Variants in CALN1 observed in about 807,000 individuals in gnomAD.
CALN1 encodes the protein calcium-binding protein 8.
CALN1 carries 17 observed loss-of-function variants against 30.6 expected under a neutral mutation model. The observed-to-expected ratio is 0.56, with a 90% confidence interval of 0.38 to 0.83. The LOEUF (loss-of-function observed/expected upper bound fraction) is 0.83, where lower values mean the gene tolerates loss of function less well. CALN1 is among the 40% of genes least tolerant of loss of function. The pLI is 0.00. For missense variants in CALN1, 291 were observed against 354.9 expected, an observed-to-expected ratio of 0.82 and a Z score of 1.45; for synonymous variants, 156 against 131.4, an observed-to-expected ratio of 1.19 and a Z score of -1.28.
chr7:71,790,372 GAAAGAAAGAAAGAA>G, intron 6 of CALN1, among the ~76,000 whole-genome samples: 1 of 25,978 alleles, frequency 3.8e-5, no homozygotes, highest in East Asian at 1.4e-3. Flanking sequence ...AGAAAGAAAA[GAAAGAAAGAAAGAA>G]AGAAAGAAAG....
chr7:72,300,131 C>T (rs1159006254), intron 2 of CALN1, among the ~76,000 whole-genome samples: 1 of 152,108 alleles, frequency 6.6e-6, no homozygotes, highest in Non-Finnish European at 1.5e-5. Context: ...CCGCCCACCT[C>T]GTCCTCCCAA....
chr7:72,338,525 G>GTGTGTGTCTGTCTGTCTGTC lies in CALN1; in HGVS notation c.120-59716_120-59715insGACAGACAGACAGACACACA. 9.8e-5 allele frequency among the ~76,000 whole-genome samples: 12 copies of GTGTGTGTCTGTCTGTCTGTC among 122,294 alleles called. 1 individual carries two copies. Among genetic ancestry groups the GTGTGTGTCTGTCTGTCTGTC allele is most frequent in the African/African-American group, 3.1e-4 (10 of 32,000 alleles). 80.2% of individuals were successfully genotyped at this position (122,294 alleles called of 152,430 possible). On this transcript the variant is annotated intron_variant, in intron 2 of 6. Transcript: ENST00000395275. ...TGTGTGTGTGTGTGTGTGTGTGTGT[G>GTGTGTGTCTGTCTGTCTGTC]TGTCTCACCTGGGTGTGGTTTCAGA...
At chr7:71,924,172 G>A (rs559217673) in intron 5 of CALN1, among the ~76,000 whole-genome samples, 6 of 132,574 alleles carry the variant, frequency 4.5e-5, no homozygotes, top group Admixed American at 2.7e-4. Flanking sequence ...CAGCCTAGGC[G>A]ACAAGAGTGA....
At chr7:71,795,485 C>T (rs1418843453) in intron 6 of CALN1, among the ~76,000 whole-genome samples, 1 of 152,154 alleles carries the variant, frequency 6.6e-6, no homozygotes, top group Non-Finnish European at 1.5e-5. Context: ...AGTTCACATA[C>T]CATAAAATTG....
chr7:72,153,555 G>C (rs1004796718), intron 3 of CALN1, among the ~76,000 whole-genome samples: 1 of 151,642 alleles, frequency 6.6e-6, no homozygotes, highest in East Asian at 1.9e-4. Flanking sequence ...ATGGTGGTAT[G>C]TGCCTACAGT....
At chr7:72,128,395 A>G (rs757677809) in intron 3 of CALN1, among the ~76,000 whole-genome samples, 1 of 152,196 alleles carries the variant, frequency 6.6e-6, no homozygotes, top group Non-Finnish European at 1.5e-5. Flanking sequence ...AAAAGTAAGA[A>G]TGAAACTGCA....
chr7:71,895,259 A>G (rs1793473071), intron 5 of CALN1, among the ~76,000 whole-genome samples: 1 of 151,798 alleles, frequency 6.6e-6, no homozygotes, highest in Non-Finnish European at 1.5e-5. Context: ...CCGGCCTTGA[A>G]TTTCATTTTC....
chr7:71,923,027 T>A lies in CALN1; in HGVS notation c.501+100630A>T, dbSNP rs866763795. On this transcript the variant is annotated intron_variant, in intron 5 of 6. Transcript: ENST00000395275. ...ACTATACTATACTATACTATACTATTCTATACTATACTATACTATACAGCC... is the reference window on the plus strand; with the variant it reads ...ACTATACTATACTATACTATACTATACTATACTATACTATACTATACAGCC... Among the ~76,000 whole-genome samples the A allele has an allele frequency of 8.0e-5, 12 of 149,616 alleles. 1 individual carries two copies. Among genetic ancestry groups the A allele is most frequent in the East Asian group, 1.9e-4 (1 of 5,160 alleles).
chr7:72,487,906 GAA>G, the CALN1 span, among the ~76,000 whole-genome samples: 16 of 67,796 alleles, frequency 2.4e-4, no homozygotes, highest in African/African-American at 3.5e-4. Context: ...AAGAAAGAAA[GAA>G]AGAAAGAAAG....
chr7:72,147,285 C>G (rs2129543859), intron 3 of CALN1, among the ~76,000 whole-genome samples: 1 of 152,014 alleles, frequency 6.6e-6, no homozygotes, highest in South Asian at 2.1e-4. Flanking sequence ...AAACACAACC[C>G]CATCAACAAG....
chr7:71,994,835 C>G (rs1799162206), intron 5 of CALN1, among the ~76,000 whole-genome samples: 1 of 150,130 alleles, frequency 6.7e-6, no homozygotes, highest in African/African-American at 2.5e-5. Context: ...CACGAAGAAC[C>G]TGGCTGCCCC....
intron 5 of CALN1, among the ~76,000 whole-genome samples, chr7:71,959,632 T>G (rs1419225093): frequency 6.6e-6 from 1 of 151,950 alleles, no homozygotes; most frequent in Admixed American, 6.6e-5. Context: ...CTTTTTTTTT[T>G]TTTTAAGTGG....
chr7:72,306,983 T>A (rs1490159524), intron 2 of CALN1, among the ~76,000 whole-genome samples: 1 of 152,186 alleles, frequency 6.6e-6, no homozygotes, highest in Non-Finnish European at 1.5e-5. Flanking sequence ...AGCCTCAACA[T>A]GTGAATTTGG....
intron 4 of CALN1, among the ~76,000 whole-genome samples, chr7:72,027,950 G>T (rs895904699): frequency 3.3e-5 from 5 of 151,138 alleles, no homozygotes; most frequent in Admixed American, 3.3e-4. Context: ...TCCCAGCTAC[G>T]TGGGAGGCTG....
chr7:72,362,625 G>C (rs923529285), intron 2 of CALN1, among the ~76,000 whole-genome samples: 2 of 152,050 alleles, frequency 1.3e-5, no homozygotes, highest in Non-Finnish European at 2.9e-5. Context: ...CTCTTTTACC[G>C]CAAGTTCTCT....
intron 3 of CALN1, among the ~76,000 whole-genome samples, chr7:72,276,764 T>TA (rs1328658890): frequency 6.6e-6 from 1 of 152,206 alleles, no homozygotes; most frequent in African/African-American, 2.4e-5. Flanking sequence ...ATACCAGTGC[T>TA]ATGCACTTGG....
chr7:72,412,687 C>G (rs1349098207), upstream of CALN1, among the ~76,000 whole-genome samples: 1 of 152,218 alleles, frequency 6.6e-6, no homozygotes, highest in African/African-American at 2.4e-5. Context: ...CCCATGGAAC[C>G]TGCTTTGGGA....
intron 5 of CALN1, among the ~76,000 whole-genome samples, chr7:71,878,854 G>C (rs1240662694): frequency 1.3e-5 from 2 of 152,222 alleles, no homozygotes; most frequent in Non-Finnish European, 2.9e-5. Flanking sequence ...GTGACCCAGA[G>C]ACCACAGCCG....
chr7:71,911,526 T>C (rs1794424568), intron 5 of CALN1, among the ~76,000 whole-genome samples: 2 of 152,138 alleles, frequency 1.3e-5, no homozygotes, highest in Admixed American at 1.3e-4. Flanking sequence ...TTCTAGAACA[T>C]TGTGATGTAC....
Sources: gnomAD v4.1 joint callset for allele counts (sites outside exome capture counted in the v4.1 genomes callset) on GRCh38, gnomAD v4.1.1 for gene constraint, MANE v1.5 for transcripts, NCBI Gene and HGNC (gene_info 2026-07-23, HGNC 2026-07-21) for gene names.